KANK4: variants seen among roughly 807,000 people sequenced by gnomAD.
KANK4 encodes KN motif and ankyrin repeat domain-containing protein 4.
In KANK4, 50 loss-of-function variants were observed where a neutral mutation model predicts 80.8. The ratio of observed to expected loss-of-function variants is 0.62; its 90% CI spans 0.49 to 0.78. The LOEUF is 0.78. Among genes scored for constraint, KANK4 ranks in the 30% least tolerant of loss-of-function variants. The pLI is 0.00. For missense variants in KANK4, 1,196 were observed against 1,240.1 expected (o/e 0.96, Z 0.53); for synonymous variants, 465 against 506.9 (o/e 0.92, Z 1.11).
intron 8 of KANK4, among the ~76,000 whole-genome samples, chr1:62,248,248 T>C (rs1394405404): frequency 6.6e-6 from 1 of 152,208 alleles, no homozygotes; most frequent in Non-Finnish European, 1.5e-5. Context: ...ACAGTAATCT[T>C]GGGCATCTCT....
At chr1:62,267,753 G>A (rs924790892) in intron 5 of KANK4, among the ~76,000 whole-genome samples, 3 of 149,094 alleles carry the variant, frequency 2.0e-5, no homozygotes, top group African/African-American at 5.0e-5. Flanking sequence ...AGTGAGCCGA[G>A]ATCGTGCCAC....
chr1:62,251,762 G>A (rs1383484856), intron 8 of KANK4, among the ~76,000 whole-genome samples: 5 of 144,816 alleles, frequency 3.5e-5, no homozygotes, highest in African/African-American at 1.5e-4. Context: ...GAAAGCCCGA[G>A]GCGGGTGGAT....
chr1:62,243,521 T>A (rs1671394973), intron 9 of KANK4, among the ~76,000 whole-genome samples: 1 of 152,082 alleles, frequency 6.6e-6, no homozygotes, highest in South Asian at 2.1e-4. Flanking sequence ...GTGTTTTTAG[T>A]AGAGACAGGG....
chr1:62,318,849 T>C lies in KANK4; in HGVS notation c.-71+257A>G, dbSNP rs533991757. On this transcript the variant is annotated intron_variant, in intron 1 of 9. Transcript: ENST00000371153. ...GCTGGAAAGGGAGCGGCGCCCACCT[T>C]TGGGCAGCCCGAGCAGCCCCGCTCC... 3.3e-5 allele frequency among the ~76,000 whole-genome samples: 5 copies of C among 152,286 alleles called. No individual in the cohort carries two copies. The South Asian group carries it at 6.2e-4, about 19-fold the overall frequency.
chr1:62,317,698 A>G (rs1644553382), intron 1 of KANK4, among the ~76,000 whole-genome samples: 1 of 152,178 alleles, frequency 6.6e-6, no homozygotes. Context: ...CTGACCGACT[A>G]CTGGACCTAT....
intron 1 of KANK4, among the ~76,000 whole-genome samples, chr1:62,306,573 T>G (rs1644452744): frequency 6.6e-6 from 1 of 152,076 alleles, no homozygotes; most frequent in Non-Finnish European, 1.5e-5. Context: ...TGCTTCTACA[T>G]TATTTTATTA....
chr1:62,313,749 T>C (rs1487364508), intron 1 of KANK4, among the ~76,000 whole-genome samples: 2 of 152,262 alleles, frequency 1.3e-5, no homozygotes, highest in Admixed American at 6.5e-5. Flanking sequence ...ACCTAATGCA[T>C]GCGGGGCTTA....
At chr1:62,273,171 C>T (rs1303093604) in intron 3 of KANK4, 33 bp downstream of exon 3, 2 of 1,390,554 alleles carry the variant, frequency 1.4e-6, no homozygotes. Flanking sequence ...GAAATGGCTC[C>T]CTGTCTCAGG....
intron 2 of KANK4, among the ~76,000 whole-genome samples, chr1:62,278,690 C>T (rs1486294204): frequency 3.9e-5 from 6 of 152,034 alleles, no homozygotes; most frequent in African/African-American, 9.7e-5. Context: ...CCACCACGCC[C>T]GGCTGACCCA....
At chr1:62,269,204 T>C (rs1010356037) in intron 4 of KANK4, among the ~76,000 whole-genome samples, 5 of 152,234 alleles carry the variant, frequency 3.3e-5, no homozygotes, top group Admixed American at 1.3e-4. Flanking sequence ...GTGACTCTGT[T>C]GAGTTGGCAG....
chr1:62,267,654 T>A (rs1027976081), intron 5 of KANK4, among the ~76,000 whole-genome samples: 1 of 151,842 alleles, frequency 6.6e-6, no homozygotes, highest in Admixed American at 6.6e-5. Context: ...TACAAAAAAA[T>A]AGCTGAGGAT....
Position 62,274,061 on chromosome 1 carries a change from T to G in KANK4, c.1043A>C (p.Gln348Pro), listed in dbSNP as rs1398932627. Residue 348 changes from glutamine to proline, a missense_variant, in exon 3 of 10, where the codon CAG (glutamine) becomes CCG (proline). Physicochemically the swap from Gln to Pro is moderately conservative, Grantham distance 76 (BLOSUM62 -1). Transcript: ENST00000371153. The stretch of plus-strand genomic sequence containing the variant: ...CAACTCTCCCTCCAGGGCCGAGACC[T>G]GCTGTTTCAGGCTGGAGATGCTGCC... ...DPGSISSLKQ[Q>P]VSALEGELSG... 1 of 1,614,206 alleles carries G rather than the reference T, an allele frequency of 6.2e-7. No individual in the cohort carries two copies. The highest frequency in any genetic ancestry group is 8.5e-7 in the Non-Finnish European group (1 of 1,180,036).
chr1:62,292,768 G>T (rs2149161356), intron 1 of KANK4, among the ~76,000 whole-genome samples: 1 of 152,316 alleles, frequency 6.6e-6, no homozygotes, highest in Non-Finnish European at 1.5e-5. Flanking sequence ...TCACTGATTT[G>T]TCAGCCTGCT....
At chr1:62,303,771 A>G (rs1644430548) in intron 1 of KANK4, among the ~76,000 whole-genome samples, 1 of 152,118 alleles carries the variant, frequency 6.6e-6, no homozygotes, top group Non-Finnish European at 1.5e-5. Flanking sequence ...TATTTTGGAT[A>G]TATTGGGTTA....
chr1:62,262,532 A>G (rs1671910370), intron 7 of KANK4, among the ~76,000 whole-genome samples: 1 of 152,182 alleles, frequency 6.6e-6, no homozygotes, highest in Non-Finnish European at 1.5e-5. Flanking sequence ...ATCAACCTAA[A>G]TGCCTGTCAA....
At position 62,238,015 on chromosome 1, in the gene KANK4, T is replaced by C. The variant is rs185617490; in HGVS notation, c.*262A>G. The C allele has an allele frequency of 1.5e-4, 57 of 376,420 alleles. No individual in the cohort carries two copies. Among genetic ancestry groups the C allele is most frequent in the African/African-American group, 1.0e-3 (50 of 49,808 alleles). 23.3% of individuals were successfully genotyped at this position (376,420 alleles called of 1,614,324 possible). ...TTCAAGGCTGAAGATGTTTTGGATG[T>C]TTGGATGACACCGACGTACCCCTCA... On this transcript the variant is annotated 3_prime_UTR_variant, in exon 10 of 10. Coordinates refer to ENST00000371153, the MANE Select transcript of KANK4 (RefSeq NM_181712.5).
intron 1 of KANK4, among the ~76,000 whole-genome samples, chr1:62,298,806 G>A (rs12082623): frequency 0.3 from 45,528 of 152,090 alleles, 7,417 homozygotes; most frequent in East Asian, 0.63. Flanking sequence ...AAACTGGTAA[G>A]TGCCCAATAA....
At chr1:62,295,030 A>G (rs955072233) in intron 1 of KANK4, among the ~76,000 whole-genome samples, 4 of 152,236 alleles carry the variant, frequency 2.6e-5, no homozygotes. Context: ...AAAATTGACA[A>G]TATCACCCAG....
At chr1:62,283,090 C>G (rs1378987550) in intron 1 of KANK4, among the ~76,000 whole-genome samples, 2 of 152,200 alleles carry the variant, frequency 1.3e-5, no homozygotes, top group African/African-American at 4.8e-5. Flanking sequence ...ACCGCTGCCT[C>G]TCTCACCACC....
Sources: gnomAD v4.1 joint callset for allele counts (sites outside exome capture counted in the v4.1 genomes callset) on GRCh38, gnomAD v4.1.1 for gene constraint, MANE v1.5 for transcripts, NCBI Gene and HGNC (gene_info 2026-07-23, HGNC 2026-07-21) for gene names.